The following EYA4 variants were observed in gnomAD, a reference collection of about 807,000 sequenced individuals.
The protein encoded by EYA4 is protein phosphatase EYA4.
EYA4 carries 31 observed loss-of-function variants against 87.9 expected under a neutral mutation model. The observed-to-expected ratio is 0.35, with a 90% CI of 0.27 to 0.48. EYA4 has a LOEUF of 0.48. EYA4 is among the 20% of genes least tolerant of loss of function. EYA4 has a pLI of 0.99. For synonymous variants in EYA4, 263 were observed against 270.6 expected, an observed-to-expected ratio of 0.97 and a Z score of 0.28; for missense variants, 678 against 761.4, an observed-to-expected ratio of 0.89 and a Z score of 1.29.
chr6:133,468,788 C>T (rs746861868), intron 11 of EYA4, 57 bp downstream of exon 11: 28 of 1,561,572 alleles, frequency 1.8e-5, no homozygotes, highest in African/African-American at 6.8e-5. Context: ...TCTAATAAAA[C>T]GGAGAAAGTG....
chr6:133,262,306 G>A (rs1775862086), intron 1 of EYA4, among the ~76,000 whole-genome samples: 3 of 152,200 alleles, frequency 2.0e-5, no homozygotes, highest in Admixed American at 1.3e-4. Flanking sequence ...CTTCTGACAG[G>A]CTACAGGAGA....
At chr6:133,432,153 C>T (rs780472805) in intron 3 of EYA4, among the ~76,000 whole-genome samples, 1 of 152,096 alleles carries the variant, frequency 6.6e-6, no homozygotes, top group Non-Finnish European at 1.5e-5. Flanking sequence ...GCATTGTCAT[C>T]CCTCCTGCCT....
chr6:133,464,595 G>T (rs189861016), intron 9 of EYA4, among the ~76,000 whole-genome samples, 184 bp from the exon 10 acceptor site: 2 of 152,162 alleles, frequency 1.3e-5, no homozygotes, highest in East Asian at 3.9e-4. Flanking sequence ...AATAGGAAAG[G>T]GTTTACCAGC....
At chr6:133,366,268 G>A (rs1292389112) in intron 2 of EYA4, among the ~76,000 whole-genome samples, 1 of 152,170 alleles carries the variant, frequency 6.6e-6, no homozygotes, top group Non-Finnish European at 1.5e-5. Context: ...GGTAAATATA[G>A]CATTGGTAGA....
intron 2 of EYA4, among the ~76,000 whole-genome samples, chr6:133,342,585 A>AT (rs1554230248): frequency 1.1e-5 from 1 of 92,486 alleles, no homozygotes; most frequent in African/African-American, 4.2e-5. Flanking sequence ...ATATATATAT[A>AT]TATATATATA....
At chr6:133,413,954 C>T (rs1383936863) in intron 3 of EYA4, among the ~76,000 whole-genome samples, 1 of 152,140 alleles carries the variant, frequency 6.6e-6, no homozygotes, top group African/African-American at 2.4e-5. Context: ...CATGCTCTCT[C>T]CTCGTATTTA....
intron 2 of EYA4, among the ~76,000 whole-genome samples, chr6:133,303,969 G>C (rs969849550): frequency 1.3e-5 from 2 of 152,124 alleles, no homozygotes; most frequent in African/African-American, 4.8e-5. Context: ...GGGAAGACTT[G>C]CCTCCTTTAT....
At chr6:133,518,244 A>G (rs1799773669) in intron 17 of EYA4, among the ~76,000 whole-genome samples, 2 of 151,870 alleles carry the variant, frequency 1.3e-5, no homozygotes, top group Admixed American at 1.3e-4. Flanking sequence ...ACTATATAAT[A>G]TATACAGATT....
intron 3 of EYA4, among the ~76,000 whole-genome samples, chr6:133,425,404 A>G (rs969813093): frequency 6.7e-6 from 1 of 150,042 alleles, no homozygotes; most frequent in African/African-American, 2.5e-5. Flanking sequence ...TCAGTAATAT[A>G]ATAATATCCA....
chr6:133,279,195 G>A (rs1777424867), intron 2 of EYA4, among the ~76,000 whole-genome samples: 1 of 152,048 alleles, frequency 6.6e-6, no homozygotes. Flanking sequence ...TTAATGTTAA[G>A]TATTGTATGT....
intron 2 of EYA4, among the ~76,000 whole-genome samples, chr6:133,282,408 A>T (rs1777698631): frequency 6.6e-6 from 1 of 152,094 alleles, no homozygotes; most frequent in South Asian, 2.1e-4. Flanking sequence ...ATGTCTGTTC[A>T]TATCCTTTTC....
intron 3 of EYA4, 53 bp from the exon 4 acceptor site, chr6:133,446,577 A>T: frequency 6.2e-7 from 1 of 1,605,408 alleles, no homozygotes; most frequent in African/African-American, 1.3e-5. Flanking sequence ...GTAATCTATT[A>T]AAAAATAACT....
chr6:133,462,869 T>C, intron 9 of EYA4, 105 bp downstream of exon 9: 5 of 1,027,146 alleles, frequency 4.9e-6, no homozygotes, highest in Non-Finnish European at 7.6e-6. Flanking sequence ...TTTTAAGCTT[T>C]ATCACAGCTC....
intron 3 of EYA4, among the ~76,000 whole-genome samples, chr6:133,416,685 A>G (rs1203624465): frequency 3.3e-5 from 5 of 152,226 alleles, no homozygotes; most frequent in South Asian, 2.1e-4. Context: ...TTATACACCT[A>G]TATTTTCGCA....
intron 2 of EYA4, among the ~76,000 whole-genome samples, chr6:133,323,010 ATCAGCTTC>A (rs1230387677): frequency 6.6e-6 from 1 of 151,992 alleles, no homozygotes; most frequent in Non-Finnish European, 1.5e-5. Context: ...TATAAATATT[ATCAGCTTC>A]TCAAGACAAA....
chr6:133,493,310 A>AT (rs138971459), intron 13 of EYA4, among the ~76,000 whole-genome samples: 2,595 of 152,296 alleles, frequency 0.017, 71 homozygotes, highest in African/African-American at 0.059. Flanking sequence ...CAGTGAAATC[A>AT]TTTTTTACAA....
chr6:133,242,856 G>A (rs1774074074), intron 1 of EYA4, among the ~76,000 whole-genome samples: 1 of 152,082 alleles, frequency 6.6e-6, no homozygotes, highest in South Asian at 2.1e-4. Flanking sequence ...TGAAGACAAC[G>A]GATTTGCGCC....
chr6:133,358,645 T>G (rs1233263571), intron 2 of EYA4, among the ~76,000 whole-genome samples: 3 of 152,232 alleles, frequency 2.0e-5, no homozygotes. Context: ...TTGCCTTACA[T>G]TTGTATATTC....
At chr6:133,495,637 G>C (rs1244329125) in intron 13 of EYA4, among the ~76,000 whole-genome samples, 1 of 152,030 alleles carries the variant, frequency 6.6e-6, no homozygotes, top group African/African-American at 2.4e-5. Context: ...AGGAATAAGA[G>C]TGGACACAAG....
Sources: allele counts gnomAD v4.1 joint callset (sites outside exome capture counted in the v4.1 genomes callset), GRCh38; gene constraint gnomAD v4.1.1; transcripts MANE v1.5; gene names NCBI Gene and HGNC (gene_info 2026-07-23, HGNC 2026-07-21).